The following ZNF282 variants were observed in gnomAD, a reference collection of about 807,000 sequenced individuals.
ZNF282 encodes the protein HTLV-I U5 repressive element-binding protein 1.
A neutral mutation model predicts 61.9 loss-of-function variants in ZNF282; 30 were observed. The observed-to-expected ratio is 0.48, with a 90% CI of 0.36 to 0.66. The LOEUF (loss-of-function observed/expected upper bound fraction) is 0.66, where lower values mean the gene tolerates loss of function less well. Among genes scored for constraint, ZNF282 ranks in the 30% least tolerant of loss-of-function variants. The probability of loss-of-function intolerance (pLI) is 0.00; values close to 1 mark genes in which losing one functional copy is unlikely to be tolerated. For synonymous variants in ZNF282, 396 were observed against 405.0 expected, an observed-to-expected ratio of 0.98 and a Z score of 0.27; for missense variants, 788 against 941.4, an observed-to-expected ratio of 0.84 and a Z score of 2.13.
At position 149,199,602 on chromosome 7, in the gene ZNF282, A is replaced by G. The variant is rs1375616383; in HGVS notation, c.585+850A>G. On this transcript the variant is annotated intron_variant, in intron 2 of 7. Transcript: ENST00000610704. ...CCTCTTTAGAGCAGAACCCCTTGAA[A>G]GAGTTGTCTATACTTGTTGTCTCCA... Among the ~76,000 whole-genome samples the G allele has an allele frequency of 7.9e-5, 12 of 152,310 alleles. No individual in the cohort carries two copies. In the South Asian group the frequency reaches 1.2e-3, roughly 16 times the overall value.
At position 149,224,040 on chromosome 7, in the gene ZNF282, G is replaced by A. The variant is rs1796311922; in HGVS notation, c.1409G>A (p.Arg470His). The A allele has an allele frequency of 1.7e-6, 2 of 1,187,300 alleles. No individual in the cohort carries two copies. Among genetic ancestry groups the A allele is most frequent in the Non-Finnish European group, 2.1e-6 (2 of 959,972 alleles). The allele number at this position is 1,187,300 out of a possible 1,614,324, so 73.5% of individuals were successfully genotyped here. Residue 470 changes from arginine to histidine, a missense_variant, in exon 8 of 8, where the codon CGC (arginine) becomes CAC (histidine). Coordinates refer to ENST00000610704, the MANE Select transcript of ZNF282 (RefSeq NM_003575.4). ...GGCGAGGCGCCGCCGGGTGGGGACCGCAGCACCGGGGGCGGCGGGGGCGAT... is the reference window on the plus strand; with the variant it reads ...GGCGAGGCGCCGCCGGGTGGGGACCACAGCACCGGGGGCGGCGGGGGCGAT... ...GSGEAPPGGD[R>H]STGGGGGDGG...
rs60539441 is a variant in ZNF282, at chr7:149,209,768, C to T, written c.833-817C>T. Among the ~76,000 whole-genome samples, 364 of 152,172 alleles carry T rather than the reference C, an allele frequency of 2.4e-3. 2 individuals are homozygous for T. The highest frequency in any genetic ancestry group is 7.4e-3 in the African/African-American group (307 of 41,514). On this transcript the variant is annotated intron_variant, in intron 4 of 7. Transcript: ENST00000610704. ...CTGAGCCTCCTCTTGCAGCAGGGGG[C>T]GCCATCAGAAGAAAAGGCCCTGTTT...
At chr7:149,222,239 G>A (rs2129523741) in intron 7 of ZNF282, among the ~76,000 whole-genome samples, 1 of 152,340 alleles carries the variant, frequency 6.6e-6, no homozygotes, top group South Asian at 2.1e-4. Flanking sequence ...GGTGGCCACT[G>A]CCACGAGTGC....
chr7:149,213,179 A>G (rs1796112469), intron 6 of ZNF282, among the ~76,000 whole-genome samples: 1 of 152,160 alleles, frequency 6.6e-6, no homozygotes, highest in African/African-American at 2.4e-5. Flanking sequence ...TACCAGGGAG[A>G]GAGGATGAGA....
chr7:149,221,516 G>A (rs1234361804), intron 7 of ZNF282, among the ~76,000 whole-genome samples: 6 of 152,198 alleles, frequency 3.9e-5, no homozygotes, highest in African/African-American at 1.4e-4. Flanking sequence ...TTCTTTGCAA[G>A]TCCTCTGGGA....
At chr7:149,215,084 T>C (rs1796141801) in intron 7 of ZNF282, among the ~76,000 whole-genome samples, 1 of 151,972 alleles carries the variant, frequency 6.6e-6, no homozygotes, top group Non-Finnish European at 1.5e-5. Flanking sequence ...TATTCCTCGC[T>C]AAAACCCAGT....
Position 149,198,651 on chromosome 7 carries a change from G to C in ZNF282, c.484G>C (p.Gly162Arg). Residue 162 changes from glycine (G) to arginine (R), a missense_variant, in exon 2 of 8, where the codon GGG becomes CGG. Gly to Arg is a moderately radical substitution (Grantham distance 125). This residue lies in a region of ZNF282 where 92 missense variants were observed against 163.9 expected (regional missense o/e 0.56). Coordinates refer to ENST00000610704, the MANE Select transcript of ZNF282 (RefSeq NM_003575.4). This position sits in a 1 kb window ranked among gnomAD's most constrained non-coding sequence, Gnocchi z 4.3. ...GCTGGGGACCCTGCTGCAGGAGTAC[G>C]GGCTGCTGCAGAGGCGGCTGGAGAA... The part of the protein sequence containing the change: ...AVLGTLLQEY[G>R]LLQRRLENLE... 6.2e-7 allele frequency: 1 copy of C among 1,614,116 alleles called. No homozygotes were observed. The highest frequency in any genetic ancestry group is 8.5e-7 in the Non-Finnish European group (1 of 1,180,046).
intron 7 of ZNF282, among the ~76,000 whole-genome samples, chr7:149,218,615 A>C (rs1796193457): frequency 6.6e-6 from 1 of 151,924 alleles, no homozygotes; most frequent in South Asian, 2.1e-4. Context: ...AGTGACTTCC[A>C]ACATCAGCGA....
intron 7 of ZNF282, among the ~76,000 whole-genome samples, chr7:149,217,179 T>C (rs1796170588): frequency 6.6e-6 from 1 of 151,168 alleles, no homozygotes; most frequent in Admixed American, 6.6e-5. Flanking sequence ...ATAGTTTATA[T>C]TTTTTTTAGC....
rs1796334495 is a variant in ZNF282, at chr7:149,224,648, G to A, written c.*1G>A. On this transcript the variant is annotated 3_prime_UTR_variant, in exon 8 of 8. Coordinates refer to ENST00000610704, the MANE Select transcript of ZNF282 (RefSeq NM_003575.4). Reference sequence around the variant, plus strand: ...CCCGCCGCCTCCTGAGCGAGACTAGGGCTGGGCTGGGGGAGGGCAGGGCCG... The same window carrying A: ...CCCGCCGCCTCCTGAGCGAGACTAGAGCTGGGCTGGGGGAGGGCAGGGCCG... 2 of 1,507,812 alleles carry A rather than the reference G, an allele frequency of 1.3e-6. No homozygotes were observed. The highest frequency in any genetic ancestry group is 8.8e-7 in the Non-Finnish European group (1 of 1,131,546). 93.4% of individuals were successfully genotyped at this position (1,507,812 alleles called of 1,614,324 possible).
At chr7:149,221,331 C>T (rs1204202974) in intron 7 of ZNF282, among the ~76,000 whole-genome samples, 2 of 152,134 alleles carry the variant, frequency 1.3e-5, no homozygotes, top group Admixed American at 6.5e-5. Flanking sequence ...CCTGGGCTGC[C>T]GGGCCTGGAG....
intron 5 of ZNF282, among the ~76,000 whole-genome samples, chr7:149,211,010 C>T (rs1248385047): frequency 1.3e-5 from 2 of 152,218 alleles, no homozygotes; most frequent in African/African-American, 2.4e-5. Flanking sequence ...GGCAGAAGTA[C>T]TAAGTGTAAG....
chr7:149,221,592 C>T (rs565664018), intron 7 of ZNF282, among the ~76,000 whole-genome samples: 17 of 152,174 alleles, frequency 1.1e-4, no homozygotes, highest in African/African-American at 4.1e-4. Flanking sequence ...CCCTCAGTGC[C>T]GTGGCCACAG....
intron 4 of ZNF282, among the ~76,000 whole-genome samples, chr7:149,208,427 T>C (rs1460186686): frequency 1.3e-5 from 2 of 151,966 alleles, no homozygotes; most frequent in Non-Finnish European, 2.9e-5. Context: ...GGTCTTGAAC[T>C]CCTGACCTCA....
chr7:149,205,394 C>T lies in ZNF282; in HGVS notation c.586-1302C>T, dbSNP rs898926641. On this transcript the variant is annotated intron_variant, in intron 2 of 7. Transcript: ENST00000610704. ...CAGAGGTTGCAGTGAGCTGGTATCG[C>T]GTCACTGCACTCCAGTCTGGGCGAC... 7.2e-5 allele frequency among the ~76,000 whole-genome samples: 11 copies of T among 151,932 alleles called. No individual in the cohort carries two copies. In the East Asian group the frequency reaches 1.2e-3, roughly 16 times the overall value.
chr7:149,207,589 TG>T, intron 4 of ZNF282, 119 bp downstream of exon 4: 2 of 1,445,922 alleles, frequency 1.4e-6, no homozygotes, highest in Non-Finnish European at 1.8e-6. Context: ...GGGTCTTGGG[TG>T]GCTCCCAGGG....
At chr7:149,209,247 G>A (rs1171174000) in intron 4 of ZNF282, among the ~76,000 whole-genome samples, 4 of 151,854 alleles carry the variant, frequency 2.6e-5, no homozygotes, top group Admixed American at 6.5e-5. Flanking sequence ...GCGTGAACCC[G>A]GGAGGCGGAG....
intron 7 of ZNF282, among the ~76,000 whole-genome samples, chr7:149,223,271 G>T (rs1796287648): frequency 6.7e-6 from 1 of 149,100 alleles, no homozygotes; most frequent in African/African-American, 2.5e-5. Flanking sequence ...ACTGCGACCG[G>T]CCGAAAAGAT....
intron 2 of ZNF282, among the ~76,000 whole-genome samples, chr7:149,200,798 T>C (rs1004071382): frequency 1.3e-5 from 2 of 152,116 alleles, no homozygotes; most frequent in Non-Finnish European, 2.9e-5. Flanking sequence ...GGTTTCACCA[T>C]GTTGGCCAGG....
Sources: gnomAD v4.1 joint callset for allele counts (sites outside exome capture counted in the v4.1 genomes callset) on GRCh38, gnomAD v4.1.1 for gene constraint, gnomAD v4.1.1 regional missense constraint, Gnocchi (gnomAD v3.1) non-coding constraint, MANE v1.5 for transcripts, NCBI Gene and HGNC (gene_info 2026-07-23, HGNC 2026-07-21) for gene names.